Variants in CEP57 observed in about 807,000 individuals in gnomAD.
CEP57 encodes centrosomal protein of 57 kDa.
In CEP57, 40 loss-of-function variants were observed where a neutral mutation model predicts 68.0. That is an observed-to-expected ratio of 0.59 (90% CI 0.46 to 0.77). The LOEUF (loss-of-function observed/expected upper bound fraction) is 0.77. CEP57 is among the 30% of genes least tolerant of loss of function. CEP57 has a pLI of 0.00. For synonymous variants in CEP57, 219 were observed against 198.7 expected (o/e 1.10, Z -0.86); for missense variants, 606 against 580.7 (o/e 1.04, Z -0.45).
chr11:95,814,357 A>ATTTTTTTT (rs1170474932), intron 4 of CEP57, among the ~76,000 whole-genome samples: 1 of 109,922 alleles, frequency 9.1e-6, no homozygotes, highest in Non-Finnish European at 1.9e-5. Context: ...CCTTGTGTGT[A>ATTTTTTTT]TTTTTTTTTT....
chr11:95,820,122 C>G lies in CEP57; in HGVS notation c.699+1218C>G, dbSNP rs370705180. Reference sequence around the variant, plus strand: ...ATGAAATACAAAATTTAGTAAGTTCCTTATTTAATGAATTTTTAAAATTAT... The same window carrying G: ...ATGAAATACAAAATTTAGTAAGTTCGTTATTTAATGAATTTTTAAAATTAT... On this transcript the variant is annotated intron_variant, in intron 6 of 10. Coordinates refer to ENST00000325542, the MANE Select transcript of CEP57 (RefSeq NM_014679.5). Among the ~76,000 whole-genome samples, 3 of 152,042 alleles carry G rather than the reference C, an allele frequency of 2.0e-5. No individual in the cohort carries two copies. The East Asian group carries it at 5.8e-4, about 29-fold the overall frequency.
chr11:95,830,822 C>T (rs1265204398), intron 10 of CEP57, among the ~76,000 whole-genome samples: 2 of 151,244 alleles, frequency 1.3e-5, no homozygotes, highest in African/African-American at 4.8e-5. Context: ...TATATATAAG[C>T]ATATATTTAT....
At chr11:95,816,130 T>C (rs1862287321) in intron 4 of CEP57, among the ~76,000 whole-genome samples, 1 of 152,168 alleles carries the variant, frequency 6.6e-6, no homozygotes, top group South Asian at 2.1e-4. Context: ...TGTATGTCTG[T>C]TGGGGGGACT....
intron 1 of CEP57, among the ~76,000 whole-genome samples, chr11:95,795,732 C>T (rs1320555532): frequency 1.3e-5 from 2 of 152,096 alleles, no homozygotes; most frequent in Non-Finnish European, 1.5e-5. Context: ...CATTTGTTGA[C>T]GATCGTATTG....
intron 2 of CEP57, among the ~76,000 whole-genome samples, chr11:95,806,480 A>G (rs1861806083): frequency 6.6e-6 from 1 of 152,190 alleles, no homozygotes; most frequent in South Asian, 2.1e-4. Flanking sequence ...AGCCAAGGGA[A>G]GCCTTGACAC....
chr11:95,816,846 A>G (rs938196442), intron 4 of CEP57, among the ~76,000 whole-genome samples: 8 of 152,074 alleles, frequency 5.3e-5, no homozygotes, highest in Admixed American at 5.2e-4. Flanking sequence ...CCCCATCTCT[A>G]CTAAAAATAC....
chr11:95,790,880 C>G, intron 1 of CEP57, 137 bp downstream of exon 1: 1 of 1,005,242 alleles, frequency 9.9e-7, no homozygotes, highest in South Asian at 1.4e-5. Flanking sequence ...TTGCCCCGCG[C>G]TCCCCAAGCT....
At chr11:95,797,549 C>G (rs1035562147) in intron 1 of CEP57, among the ~76,000 whole-genome samples, 6 of 152,142 alleles carry the variant, frequency 3.9e-5, no homozygotes, top group African/African-American at 1.4e-4. Flanking sequence ...CTGAAGCTAC[C>G]TAGGTGCCCT....
At position 95,831,417 on chromosome 11, in the gene CEP57, A is replaced by T; in HGVS notation, c.*161A>T. ...TACACAGGCTTTTCATGTATGCAGGATGACTCAATGTTAAAGCATTTAAAT... is the reference window on the plus strand; with the variant it reads ...TACACAGGCTTTTCATGTATGCAGGTTGACTCAATGTTAAAGCATTTAAAT... On this transcript the variant is annotated 3_prime_UTR_variant, in exon 11 of 11. Coordinates refer to ENST00000325542, the MANE Select transcript of CEP57 (RefSeq NM_014679.5). The T allele has an allele frequency of 1.7e-6, 1 of 601,710 alleles. No homozygotes were observed. Among genetic ancestry groups the T allele is most frequent in the Non-Finnish European group, 3.0e-6 (1 of 335,946 alleles). The allele number at this position is 601,710 out of a possible 1,614,324, so 37.3% of individuals were successfully genotyped here.
intron 3 of CEP57, 45 bp downstream of exon 3, chr11:95,813,156 T>G (rs746803426): frequency 6.4e-7 from 1 of 1,567,580 alleles, no homozygotes; most frequent in Non-Finnish European, 8.7e-7. Flanking sequence ...ATAAGTGTTG[T>G]GCAGTATTAA....
intron 6 of CEP57, among the ~76,000 whole-genome samples, chr11:95,819,659 A>T (rs1007222016): frequency 2.5e-4 from 38 of 152,148 alleles, no homozygotes; most frequent in African/African-American, 8.7e-4. Context: ...ATTTGCATGT[A>T]TCTTTTTTCG....
chr11:95,809,776 G>T (rs534999258), intron 2 of CEP57, among the ~76,000 whole-genome samples: 254 of 152,276 alleles, frequency 1.7e-3, no homozygotes, highest in African/African-American at 5.9e-3. Flanking sequence ...GAGGCACAAA[G>T]AGGAGCTGGT....
rs1348589335 is a variant in CEP57, at chr11:95,831,514, C to T, written c.*258C>T. 8 of 289,732 alleles carry T rather than the reference C, an allele frequency of 2.8e-5. No individual in the cohort carries two copies. The highest frequency in any genetic ancestry group is 2.7e-4 in the South Asian group (4 of 14,812). 17.9% of individuals were successfully genotyped at this position (289,732 alleles called of 1,614,324 possible). On this transcript the variant is annotated 3_prime_UTR_variant, in exon 11 of 11. Transcript: ENST00000325542. ...TGTTGAGATGAGTTTGCTGTACTGACGCTGCACTTTGTAAACAGATTACCA... is the reference window on the plus strand; with the variant it reads ...TGTTGAGATGAGTTTGCTGTACTGATGCTGCACTTTGTAAACAGATTACCA...
intron 8 of CEP57, chr11:95,823,221 GTTTATA>G (rs1234419781): frequency 2.0e-5 from 3 of 152,404 alleles, no homozygotes; most frequent in Non-Finnish European, 4.4e-5. Context: ...TTTTGTATTT[GTTTATA>G]TTTATTTATT....
At chr11:95,823,370 A>AT (rs570794416) in intron 8 of CEP57, among the ~76,000 whole-genome samples, 53 of 150,360 alleles carry the variant, frequency 3.5e-4, no homozygotes, top group South Asian at 2.1e-3. Context: ...TTACAGGCAG[A>AT]TTTTTTTTTT....
chr11:95,794,668 T>C (rs1861260755), intron 1 of CEP57, among the ~76,000 whole-genome samples: 1 of 152,214 alleles, frequency 6.6e-6, no homozygotes. Flanking sequence ...TGGTCTTTGA[T>C]ATCTTTCGAT....
At chr11:95,817,714 G>C (rs774541929) in intron 4 of CEP57, 73 bp from the exon 5 acceptor site, 42 of 1,024,352 alleles carry the variant, frequency 4.1e-5, no homozygotes, top group Non-Finnish European at 6.4e-5. Context: ...TAACAGCATA[G>C]AAAAACACTG....
At chr11:95,800,991 A>T (rs1861554540) in intron 2 of CEP57, among the ~76,000 whole-genome samples, 1 of 152,186 alleles carries the variant, frequency 6.6e-6, no homozygotes, top group African/African-American at 2.4e-5. Context: ...CTATGTGTTA[A>T]TGATTCTCTA....
chr11:95,832,060 A>G lies in CEP57; in HGVS notation c.*804A>G, dbSNP rs939058529. 1 of 152,134 alleles carries G rather than the reference A, an allele frequency of 6.6e-6. No homozygotes were observed. Among genetic ancestry groups the G allele is most frequent in the Admixed American group, 6.6e-5 (1 of 15,256 alleles). 9.4% of individuals were successfully genotyped at this position (152,134 alleles called of 1,614,324 possible). On this transcript the variant is annotated 3_prime_UTR_variant, in exon 11 of 11. Coordinates refer to ENST00000325542, the MANE Select transcript of CEP57 (RefSeq NM_014679.5). ...TTCAGTCAAGGCATTATGGTTTTTAATCTTGAAACTTAGAGAACCCTTTGA... is the reference window on the plus strand; with the variant it reads ...TTCAGTCAAGGCATTATGGTTTTTAGTCTTGAAACTTAGAGAACCCTTTGA...
Sources: allele counts gnomAD v4.1 joint callset (sites outside exome capture counted in the v4.1 genomes callset), GRCh38; gene constraint gnomAD v4.1.1; transcripts MANE v1.5; gene names NCBI Gene and HGNC (gene_info 2026-07-23, HGNC 2026-07-21).